The following PCDH15 variants were observed in gnomAD, a reference collection of about 807,000 sequenced individuals.
PCDH15 encodes protocadherin related 15, also known as protocadherin-15.
In PCDH15, 129 loss-of-function variants were observed where a neutral mutation model predicts 178.5. That is an observed-to-expected ratio of 0.72 (90% CI 0.63 to 0.84). The LOEUF (loss-of-function observed/expected upper bound fraction) is 0.84. PCDH15 is among the 40% of genes least tolerant of loss of function. The pLI, the probability that PCDH15 is intolerant of heterozygous loss-of-function variation, is 0.00. For synonymous variants in PCDH15, 800 were observed against 732.0 expected, an observed-to-expected ratio of 1.09 and a Z score of -1.50; for missense variants, 2,230 against 2,099.9, an observed-to-expected ratio of 1.06 and a Z score of -1.21.
intron 1 of PCDH15, among the ~76,000 whole-genome samples, chr10:55,221,520 G>A (rs561584841): frequency 1.3e-5 from 2 of 152,038 alleles, no homozygotes; most frequent in African/African-American, 4.8e-5. Context: ...GAATCGTGTC[G>A]CTACCTGTTC....
intron 3 of PCDH15, among the ~76,000 whole-genome samples, chr10:54,833,573 G>A (rs1160656935): frequency 3.3e-5 from 5 of 152,134 alleles, no homozygotes; most frequent in African/African-American, 1.2e-4. Context: ...ACTTTTGTCT[G>A]AATTTTCAGC....
intron 3 of PCDH15, among the ~76,000 whole-genome samples, chr10:54,442,414 C>CTTTTTATATATATA (rs1491511066): frequency 2.3e-3 from 45 of 19,182 alleles, no homozygotes; most frequent in African/African-American, 8.3e-3. Flanking sequence ...GCCTTAAAGG[C>CTTTTTATATATATA]TATATATATA....
chr10:54,109,696 G>A lies in PCDH15; in HGVS notation c.1918-19633C>T, dbSNP rs114948878. Among the ~76,000 whole-genome samples, 1,310 of 152,260 alleles carry A rather than the reference G, an allele frequency of 8.6e-3. 15 individuals carry two copies. The highest frequency in any genetic ancestry group is 0.028 in the African/African-American group (1,176 of 41,552). On this transcript the variant is annotated intron_variant, in intron 15 of 37. Transcript: ENST00000644397. ...GGATGGTTCCCAAAGGCAGGGAAGC[G>A]TAATGCAGGTTTATGGGGGAAGTGG...
intron 3 of PCDH15, among the ~76,000 whole-genome samples, chr10:54,473,190 T>C (rs531038775): frequency 7.6e-4 from 116 of 152,282 alleles, no homozygotes; most frequent in African/African-American, 2.8e-3. Context: ...ACACATACTC[T>C]TTGAGATTTT....
chr10:55,203,179 G>T (rs1840302629), intron 1 of PCDH15, among the ~76,000 whole-genome samples: 1 of 152,018 alleles, frequency 6.6e-6, no homozygotes, highest in Non-Finnish European at 1.5e-5. Flanking sequence ...ATATCAAACA[G>T]TGTCCTTTTT....
At chr10:54,254,638 T>C (rs955055241) in intron 8 of PCDH15, among the ~76,000 whole-genome samples, 4 of 152,092 alleles carry the variant, frequency 2.6e-5, no homozygotes, top group Non-Finnish European at 5.9e-5. Context: ...CTTGGGAGAT[T>C]AGGGTCTTTT....
At chr10:55,507,034 A>T (rs1358970374) in intron 2 of PCDH15, among the ~76,000 whole-genome samples, 1 of 151,504 alleles carries the variant, frequency 6.6e-6, no homozygotes, top group Admixed American at 6.6e-5. Context: ...ATTACTTTTT[A>T]AAATAGAATT....
At chr10:55,120,968 C>T (rs914128235) in intron 2 of PCDH15, among the ~76,000 whole-genome samples, 1 of 152,130 alleles carries the variant, frequency 6.6e-6, no homozygotes, top group Non-Finnish European at 1.5e-5. Context: ...GTGGGGCTGC[C>T]CTTTCCAATG....
intron 2 of PCDH15, among the ~76,000 whole-genome samples, chr10:55,101,583 C>T (rs867179267): frequency 6.6e-6 from 1 of 151,552 alleles, no homozygotes; most frequent in Non-Finnish European, 1.5e-5. Flanking sequence ...AGGAAATTTT[C>T]GTCACCTAGG....
chr10:54,745,135 T>A (rs1945286797), intron 1 of PCDH15, among the ~76,000 whole-genome samples: 1 of 152,194 alleles, frequency 6.6e-6, no homozygotes, highest in Admixed American at 6.5e-5. Flanking sequence ...AAAGCAATTA[T>A]AGCTCAATGA....
chr10:55,169,449 C>A (rs1229018814), intron 1 of PCDH15, among the ~76,000 whole-genome samples: 1 of 152,142 alleles, frequency 6.6e-6, no homozygotes, highest in Non-Finnish European at 1.5e-5. Context: ...TACATTTCAA[C>A]CCTTTAAAGG....
intron 8 of PCDH15, among the ~76,000 whole-genome samples, chr10:54,313,788 A>G (rs550158509): frequency 1.3e-5 from 2 of 152,262 alleles, no homozygotes; most frequent in East Asian, 1.9e-4. Context: ...AATTGAAAGT[A>G]TAATCTGGTC....
At chr10:54,622,532 C>G (rs2093384236) in intron 2 of PCDH15, among the ~76,000 whole-genome samples, 1 of 66,376 alleles carries the variant, frequency 1.5e-5, no homozygotes, top group Admixed American at 1.8e-4. Flanking sequence ...TCTCATTATT[C>G]CAAACCCTTG....
At chr10:54,453,616 G>T (rs1383222456) in intron 3 of PCDH15, among the ~76,000 whole-genome samples, 2 of 151,184 alleles carry the variant, frequency 1.3e-5, no homozygotes, top group Non-Finnish European at 2.9e-5. Context: ...TAACAAACCT[G>T]TACGTTGTGC....
chr10:55,450,983 A>ATATATATG (rs1283817973), intron 2 of PCDH15, among the ~76,000 whole-genome samples: 1 of 146,532 alleles, frequency 6.8e-6, no homozygotes, highest in Non-Finnish European at 1.5e-5. Context: ...ATATATATAT[A>ATATATATG]TAGTATGATC....
At chr10:54,304,557 T>G (rs551879892) in intron 8 of PCDH15, among the ~76,000 whole-genome samples, 1 of 152,220 alleles carries the variant, frequency 6.6e-6, no homozygotes, top group East Asian at 1.9e-4. Context: ...GAGCAGCAGA[T>G]AGGCAGGAAT....
rs536569585 is a variant in PCDH15 at position 55,277,546 on chromosome 10, A to G, written c.-156+42053T>C. Reference sequence around the variant, plus strand: ...TCAAGTAGTGAAAAAGAACCTGTACACCACTGTGATAATTCACCCTGCTTT... The same window carrying G: ...TCAAGTAGTGAAAAAGAACCTGTACGCCACTGTGATAATTCACCCTGCTTT... On this transcript the variant is annotated intron_variant, in intron 1 of 5. Coordinates refer to the PCDH15 transcript ENST00000458638. Among the ~76,000 whole-genome samples, 331 of 152,198 alleles carry G rather than the reference A, an allele frequency of 2.2e-3. 2 individuals are homozygous for G. The highest frequency in any genetic ancestry group is 6.6e-3 in the African/African-American group (273 of 41,552).
intron 3 of PCDH15, among the ~76,000 whole-genome samples, chr10:54,518,535 C>T (rs1265130577): frequency 1.3e-5 from 2 of 152,072 alleles, no homozygotes; most frequent in African/African-American, 4.8e-5. Context: ...TCTGAATAGA[C>T]CAATAACAGG....
At chr10:53,898,860 T>C (rs566968735) in intron 26 of PCDH15, among the ~76,000 whole-genome samples, 156 of 152,214 alleles carry the variant, frequency 1.0e-3, no homozygotes, top group African/African-American at 3.7e-3. Context: ...CCAAAAATAA[T>C]ACCTAAATAA....
Sources: allele counts gnomAD v4.1 joint callset (sites outside exome capture counted in the v4.1 genomes callset), GRCh38; gene constraint gnomAD v4.1.1; transcripts MANE v1.5; gene names NCBI Gene and HGNC (gene_info 2026-07-23, HGNC 2026-07-21).